Variants in OXSR1 observed in about 807,000 individuals in gnomAD.
The protein encoded by OXSR1 is serine/threonine-protein kinase OSR1.
A neutral mutation model predicts 79.8 loss-of-function variants in OXSR1; 24 were observed. The observed-to-expected ratio is 0.30, with a 90% CI of 0.22 to 0.42. The LOEUF is 0.42. Ranked by LOEUF, OXSR1 falls within the 10% of genes least tolerant of loss-of-function variation. The pLI, the probability that OXSR1 is intolerant of heterozygous loss-of-function variation, is 1.00. For missense variants in OXSR1, 430 were observed against 618.4 expected, an observed-to-expected ratio of 0.70 and a Z score of 3.23; for synonymous variants, 226 against 209.2, an observed-to-expected ratio of 1.08 and a Z score of -0.69.
chr3:38,236,322 G>T (rs559924872), intron 10 of OXSR1, among the ~76,000 whole-genome samples: 1 of 152,246 alleles, frequency 6.6e-6, no homozygotes, highest in East Asian at 1.9e-4. Flanking sequence ...TTCAAGAGAT[G>T]AATGTCCAAA....
At chr3:38,208,468 C>T (rs1041390367) in intron 4 of OXSR1, among the ~76,000 whole-genome samples, 1 of 152,110 alleles carries the variant, frequency 6.6e-6, no homozygotes, top group Non-Finnish European at 1.5e-5. Flanking sequence ...CATTCATCCT[C>T]ATAAAAAGAA....
intron 8 of OXSR1, among the ~76,000 whole-genome samples, chr3:38,228,170 A>G (rs773976470): frequency 3.9e-5 from 6 of 152,326 alleles, no homozygotes; most frequent in Middle Eastern, 3.4e-3. Context: ...TAGTCAGACT[A>G]TCATTCAAGA....
chr3:38,228,436 A>C (rs976044778), intron 8 of OXSR1, among the ~76,000 whole-genome samples: 2 of 152,230 alleles, frequency 1.3e-5, no homozygotes, highest in Admixed American at 6.5e-5. Flanking sequence ...TTTAATCTTT[A>C]TAATAATCAT....
At chr3:38,220,747 A>G (rs1267840931) in intron 5 of OXSR1, among the ~76,000 whole-genome samples, 4 of 152,190 alleles carry the variant, frequency 2.6e-5, no homozygotes, top group Non-Finnish European at 2.9e-5. Flanking sequence ...TCACATTTCT[A>G]GGAGACTAAT....
chr3:38,225,361 ATCTG>A (rs1702669797), intron 8 of OXSR1, among the ~76,000 whole-genome samples: 1 of 152,232 alleles, frequency 6.6e-6, no homozygotes, highest in Non-Finnish European at 1.5e-5. Context: ...TCTGAATCTT[ATCTG>A]TCTGTTTCAC....
intron 10 of OXSR1, among the ~76,000 whole-genome samples, chr3:38,234,534 TAAC>T (rs1702879634): frequency 6.6e-6 from 1 of 152,120 alleles, no homozygotes; most frequent in South Asian, 2.1e-4. Flanking sequence ...CAAATCAAAA[TAAC>T]AAAGAGATAC....
chr3:38,244,693 A>T (rs371243858), intron 12 of OXSR1, among the ~76,000 whole-genome samples: 1 of 119,738 alleles, frequency 8.4e-6, no homozygotes, highest in African/African-American at 2.9e-5. Flanking sequence ...CATTTTATTC[A>T]TCTGTCAGTG....
intron 5 of OXSR1, among the ~76,000 whole-genome samples, chr3:38,217,906 A>G (rs1053647797): frequency 6.6e-6 from 1 of 152,276 alleles, no homozygotes; most frequent in Admixed American, 6.5e-5. Context: ...TTCATTTTGT[A>G]TAATGTCTTT....
intron 2 of OXSR1, 76 bp downstream of exon 2, chr3:38,183,191 TTTTGA>T (rs1235804051): frequency 1.6e-6 from 1 of 613,200 alleles, no homozygotes; most frequent in African/African-American, 1.9e-5. Context: ...AACTTGAAGT[TTTTGA>T]TTTGTTTCTT....
rs746584164 is a variant in OXSR1 at position 38,216,076 on chromosome 3, CTTT to C, written c.435-7_435-5del. 8.4e-5 allele frequency: 106 copies of C among 1,268,242 alleles called. No homozygotes were observed. The highest frequency in any genetic ancestry group is 2.5e-4 in the Middle Eastern group (1 of 4,064). The allele number at this position is 1,268,242 out of a possible 1,614,324, so 78.6% of individuals were successfully genotyped here. ...AGAATAGATGTTTTTTGATACATAACTTTTTTTTTTTTTTTAAAGAGATGTGAA... is the reference window on the plus strand; with the variant it reads ...AGAATAGATGTTTTTTGATACATAACTTTTTTTTTTTTAAAGAGATGTGAA... On this transcript the variant is annotated splice_polypyrimidine_tract_variant and intron_variant, in intron 4 of 17. Transcript: ENST00000311806.
intron 4 of OXSR1, among the ~76,000 whole-genome samples, chr3:38,202,041 C>G (rs1328862226): frequency 2.0e-5 from 3 of 152,146 alleles, no homozygotes; most frequent in Admixed American, 6.5e-5. Flanking sequence ...AAAATCAAGA[C>G]AGGTCAGTGG....
At chr3:38,169,231 C>T (rs954958932) in intron 1 of OXSR1, among the ~76,000 whole-genome samples, 9 of 151,764 alleles carry the variant, frequency 5.9e-5, no homozygotes, top group Middle Eastern at 3.2e-3. Context: ...ATTAGACTTT[C>T]ATGGATCTTC....
intron 1 of OXSR1, among the ~76,000 whole-genome samples, chr3:38,179,566 A>C (rs1393715039): frequency 1.3e-5 from 2 of 152,170 alleles, no homozygotes; most frequent in Admixed American, 6.5e-5. Context: ...CATCACCATT[A>C]ATTCCAGAAT....
intron 1 of OXSR1, among the ~76,000 whole-genome samples, chr3:38,181,869 T>C (rs1701793758): frequency 6.6e-6 from 1 of 151,952 alleles, no homozygotes; most frequent in East Asian, 1.9e-4. Flanking sequence ...TAGGTTATTA[T>C]GTTAGGAGAC....
chr3:38,166,041 T>A, intron 1 of OXSR1, 95 bp downstream of exon 1: 1 of 1,120,298 alleles, frequency 8.9e-7, no homozygotes, highest in Non-Finnish European at 1.3e-6. Flanking sequence ...AGCGCAGCCC[T>A]CATAGGAATT....
At chr3:38,168,842 A>T (rs991963098) in intron 1 of OXSR1, among the ~76,000 whole-genome samples, 7 of 152,226 alleles carry the variant, frequency 4.6e-5, no homozygotes, top group African/African-American at 1.7e-4. Flanking sequence ...GCCATGTAGT[A>T]CATGGTTCCT....
rs141642585 is a variant in OXSR1 at position 38,232,539 on chromosome 3, G to A, written c.951+2109G>A. 1.1e-4 allele frequency among the ~76,000 whole-genome samples: 16 copies of A among 152,188 alleles called. No homozygotes were observed. In the East Asian group the frequency reaches 2.9e-3, roughly 28 times the overall value. On this transcript the variant is annotated intron_variant, in intron 10 of 17. Coordinates refer to ENST00000311806, the MANE Select transcript of OXSR1 (RefSeq NM_005109.3). ...GGAGGCTGAGGCGGATGGATTGCTT[G>A]AGCTCAGGAGTTCAAAACCAGCCTG... is the stretch of plus-strand genomic sequence containing the variant.
chr3:38,194,858 A>G (rs890005402), intron 3 of OXSR1, among the ~76,000 whole-genome samples: 1 of 152,220 alleles, frequency 6.6e-6, no homozygotes, highest in African/African-American at 2.4e-5. Flanking sequence ...AATATTGAAA[A>G]CAAAAGCACA....
chr3:38,236,719 T>G, intron 10 of OXSR1, 120 bp from the exon 11 acceptor site: 1 of 893,370 alleles, frequency 1.1e-6, no homozygotes, highest in Non-Finnish European at 1.6e-6. Context: ...TGGGAACATT[T>G]ATGGGGAAAA....
Sources: gnomAD v4.1 joint callset for allele counts (sites outside exome capture counted in the v4.1 genomes callset) on GRCh38, gnomAD v4.1.1 for gene constraint, MANE v1.5 for transcripts, NCBI Gene and HGNC (gene_info 2026-07-23, HGNC 2026-07-21) for gene names.